DCLK1: variants seen among roughly 807,000 people sequenced by gnomAD.
DCLK1 encodes the protein serine/threonine-protein kinase DCLK1.
A neutral mutation model predicts 86.2 loss-of-function variants in DCLK1; 16 were observed. That is an observed-to-expected ratio of 0.19 (90% CI 0.13 to 0.28). The LOEUF (loss-of-function observed/expected upper bound fraction) is 0.28, where lower values mean the gene tolerates loss of function less well. Among genes scored for constraint, DCLK1 ranks in the 10% least tolerant of loss-of-function variants. DCLK1 has a pLI of 1.00. For synonymous variants in DCLK1, 369 were observed against 370.5 expected, an observed-to-expected ratio of 1.00 and a Z score of 0.05; for missense variants, 590 against 940.2, an observed-to-expected ratio of 0.63 and a Z score of 4.87.
chr13:36,074,330 A>G (rs1674580384), intron 3 of DCLK1, among the ~76,000 whole-genome samples: 1 of 151,936 alleles, frequency 6.6e-6, no homozygotes, highest in African/African-American at 2.4e-5. Context: ...GTGAAACCCC[A>G]TCTCTACTAA....
At chr13:36,123,370 C>A (rs1886059616) in intron 2 of DCLK1, among the ~76,000 whole-genome samples, 1 of 152,118 alleles carries the variant, frequency 6.6e-6, no homozygotes, top group South Asian at 2.1e-4. Flanking sequence ...AATGAAAATT[C>A]AAAAAATAAA....
At chr13:35,852,843 T>G (rs973705272) in intron 6 of DCLK1, among the ~76,000 whole-genome samples, 2 of 152,168 alleles carry the variant, frequency 1.3e-5, no homozygotes, top group Non-Finnish European at 2.9e-5. Flanking sequence ...CAGCGGGAAT[T>G]CCCAATCACT....
Position 35,836,018 on chromosome 13 carries a change from T to G in DCLK1, c.1229+15A>C. 1.0e-5 allele frequency: 16 copies of G among 1,557,822 alleles called. No individual in the cohort carries two copies. Among genetic ancestry groups the G allele is most frequent in the East Asian group, 2.2e-5 (1 of 44,516 alleles). ...TGTAACCTTTAAGGTTTGATGCAAA[T>G]GATATCCTTCTCACCTTTCTACACA... On this transcript the variant is annotated intron_variant, in intron 8 of 16. Transcript: ENST00000360631.
rs141989450 is a variant in DCLK1, at chr13:35,851,350, C to T, written c.1035+3149G>A. 6.8e-3 allele frequency among the ~76,000 whole-genome samples: 1,031 copies of T among 152,206 alleles called. 8 individuals carry two copies. Among genetic ancestry groups the T allele is most frequent in the Middle Eastern group, 0.01 (3 of 294 alleles). ...CAATGTTCTTTCCCTGTTCTCCAAC[C>T]GACCACTCACTCATCACCTCCTCTC... On this transcript the variant is annotated intron_variant, in intron 6 of 16. Coordinates refer to ENST00000360631, the MANE Select transcript of DCLK1 (RefSeq NM_001330071.2).
At chr13:35,885,954 A>C (rs1873203241) in intron 4 of DCLK1, among the ~76,000 whole-genome samples, 1 of 151,938 alleles carries the variant, frequency 6.6e-6, no homozygotes, top group Non-Finnish European at 1.5e-5. Flanking sequence ...TTATAGTAGC[A>C]GAAGTTCTCT....
At position 35,772,302 on chromosome 13, in the gene DCLK1, C is replaced by T. The variant is rs1293254547; in HGVS notation, c.*2233G>A. The T allele has an allele frequency of 6.6e-6, 1 of 152,050 alleles. No individual in the cohort carries two copies. The highest frequency in any genetic ancestry group is 1.9e-4 in the East Asian group (1 of 5,176). 9.4% of individuals were successfully genotyped at this position (152,050 alleles called of 1,614,324 possible). On this transcript the variant is annotated 3_prime_UTR_variant, in exon 17 of 17. Transcript: ENST00000360631. ...TGAGCCATGCACCGCAGGCTCAGTA[C>T]ACTAGATGCTGTAGCAATATAGTTA...
intron 3 of DCLK1, among the ~76,000 whole-genome samples, chr13:36,069,069 TTAA>T (rs1204431770): frequency 6.6e-6 from 1 of 152,258 alleles, no homozygotes; most frequent in Non-Finnish European, 1.5e-5. Flanking sequence ...CAATTTAATC[TTAA>T]TAATCCCATG....
At chr13:35,846,185 T>A in intron 6 of DCLK1, 2 of 985,294 alleles carry the variant, frequency 2.0e-6, no homozygotes, top group Non-Finnish European at 2.4e-6. Flanking sequence ...AGAATACACA[T>A]CCAATCAACT....
Position 35,832,363 on chromosome 13 carries a change from C to T in DCLK1, c.1229+3670G>A, listed in dbSNP as rs150663923. The stretch of plus-strand genomic sequence containing the variant: ...GGGATGCTCTAAGCTAACATGGTTT[C>T]TCTTGTTGCTGTTGTTTGCTATGTT... On this transcript the variant is annotated intron_variant, in intron 8 of 16. Coordinates refer to ENST00000360631, the MANE Select transcript of DCLK1 (RefSeq NM_001330071.2). Among the ~76,000 whole-genome samples, 221 of 152,278 alleles carry T rather than the reference C, an allele frequency of 1.5e-3. 3 individuals are homozygous for T. The highest frequency in any genetic ancestry group is 5.2e-3 in the African/African-American group (216 of 41,542).
At chr13:35,983,188 C>T (rs185512859) in intron 3 of DCLK1, among the ~76,000 whole-genome samples, 6 of 152,074 alleles carry the variant, frequency 3.9e-5, no homozygotes, top group Admixed American at 3.3e-4. Flanking sequence ...TGCAGTGGTA[C>T]CATAACAGCT....
At chr13:35,787,357 G>A (rs1380349786) in intron 16 of DCLK1, among the ~76,000 whole-genome samples, 1 of 151,436 alleles carries the variant, frequency 6.6e-6, no homozygotes, top group African/African-American at 2.4e-5. Flanking sequence ...GGCGAAAACA[G>A]CCTCCCTAGA....
chr13:35,976,867 G>A (rs936695263), intron 3 of DCLK1, among the ~76,000 whole-genome samples: 2 of 152,056 alleles, frequency 1.3e-5, no homozygotes, highest in Non-Finnish European at 2.9e-5. Context: ...ATGCCTGGCT[G>A]GACGCTGCAC....
At chr13:35,807,217 T>G (rs748733846) in intron 14 of DCLK1, among the ~76,000 whole-genome samples, 9 of 152,208 alleles carry the variant, frequency 5.9e-5, no homozygotes, top group African/African-American at 9.6e-5. Context: ...TCATAAATAT[T>G]ATTTAATGTG....
At chr13:36,118,013 A>G (rs1180280337) in intron 2 of DCLK1, among the ~76,000 whole-genome samples, 2 of 152,210 alleles carry the variant, frequency 1.3e-5, no homozygotes, top group East Asian at 3.8e-4. Flanking sequence ...ATTCCAGATA[A>G]AAATAAAATA....
chr13:35,895,240 AGCC>A lies in DCLK1; in HGVS notation c.824-23903_824-23901del, dbSNP rs1465366785. Among the ~76,000 whole-genome samples, 6 of 152,086 alleles carry A rather than the reference AGCC, an allele frequency of 3.9e-5. No homozygotes were observed. The East Asian group carries it at 1.2e-3, about 29-fold the overall frequency. ...CCAAAGTGCTGGGATTATAGTCATGAGCCGCCACACCTGGTCACTGAATATGTA... is the reference window on the plus strand; with the variant it reads ...CCAAAGTGCTGGGATTATAGTCATGAGCCACACCTGGTCACTGAATATGTA... On this transcript the variant is annotated intron_variant, in intron 4 of 16. Coordinates refer to ENST00000360631, the MANE Select transcript of DCLK1 (RefSeq NM_001330071.2).
chr13:35,921,036 C>G (rs575811799), intron 4 of DCLK1, among the ~76,000 whole-genome samples: 1 of 152,272 alleles, frequency 6.6e-6, no homozygotes, highest in South Asian at 2.1e-4. Flanking sequence ...TATTTTGAAG[C>G]GACCTAACTG....
At chr13:35,882,036 T>G (rs1872940763) in intron 4 of DCLK1, among the ~76,000 whole-genome samples, 1 of 152,168 alleles carries the variant, frequency 6.6e-6, no homozygotes, top group Non-Finnish European at 1.5e-5. Context: ...ACAACAAACT[T>G]CATGGCTTAA....
At chr13:35,883,844 C>T (rs150089519) in intron 4 of DCLK1, among the ~76,000 whole-genome samples, 1 of 152,234 alleles carries the variant, frequency 6.6e-6, no homozygotes, top group Non-Finnish European at 1.5e-5. Context: ...TCATATGCTC[C>T]TTGTGTATGT....
chr13:35,855,160 C>T (rs1870958180), intron 5 of DCLK1, among the ~76,000 whole-genome samples: 1 of 152,206 alleles, frequency 6.6e-6, no homozygotes, highest in African/African-American at 2.4e-5. Context: ...CTGAGAAACT[C>T]CTCACAGTTT....
Sources: allele counts gnomAD v4.1 joint callset (sites outside exome capture counted in the v4.1 genomes callset), GRCh38; gene constraint gnomAD v4.1.1; transcripts MANE v1.5; gene names NCBI Gene and HGNC (gene_info 2026-07-23, HGNC 2026-07-21).